The following PRKCA variants were observed in gnomAD, a reference collection of about 807,000 sequenced individuals.
The protein encoded by PRKCA is protein kinase C alpha.
PRKCA carries 27 observed loss-of-function variants against 87.0 expected under a neutral mutation model. The observed-to-expected ratio is 0.31, with a 90% CI of 0.23 to 0.43. PRKCA has a LOEUF of 0.43. Among genes scored for constraint, PRKCA ranks in the 20% least tolerant of loss-of-function variants. PRKCA has a pLI of 1.00. For synonymous variants in PRKCA, 329 were observed against 311.1 expected, an observed-to-expected ratio of 1.06 and a Z score of -0.61; for missense variants, 518 against 852.3, an observed-to-expected ratio of 0.61 and a Z score of 4.88.
intron 3 of PRKCA, among the ~76,000 whole-genome samples, chr17:66,614,910 A>G (rs896198569): frequency 5.9e-5 from 9 of 152,174 alleles, no homozygotes; most frequent in Admixed American, 2.0e-4. Context: ...AAAATTCCAA[A>G]TAACAGCAGA....
At chr17:66,457,415 G>A (rs1018721120) in intron 2 of PRKCA, among the ~76,000 whole-genome samples, 29 of 152,104 alleles carry the variant, frequency 1.9e-4, no homozygotes, top group African/African-American at 6.8e-4. Flanking sequence ...CTCTCTTGGG[G>A]TGATGATAAT....
At chr17:66,770,674 C>T (rs185211788) in intron 13 of PRKCA, among the ~76,000 whole-genome samples, 82 of 152,274 alleles carry the variant, frequency 5.4e-4, no homozygotes, top group African/African-American at 1.9e-3. Flanking sequence ...GTTTCTAGCC[C>T]TATGGTAGTG....
chr17:66,708,212 A>G (rs1001053824), intron 8 of PRKCA, among the ~76,000 whole-genome samples: 1 of 152,228 alleles, frequency 6.6e-6, no homozygotes, highest in Non-Finnish European at 1.5e-5. Flanking sequence ...TCGTGTCTTC[A>G]GCACTTAATT....
chr17:66,735,699 G>A lies in PRKCA; in HGVS notation c.1230+37G>A, dbSNP rs779969603. The A allele has an allele frequency of 1.9e-6, 3 of 1,594,212 alleles. No homozygotes were observed. The African/African-American group carries it at 4.0e-5, about 21-fold the overall frequency. On this transcript the variant is annotated intron_variant, in intron 10 of 16. Coordinates refer to ENST00000413366, the MANE Select transcript of PRKCA (RefSeq NM_002737.3). ...GGGAATCCCTGCGATGCAGTACCCA[G>A]CTCTCAGAGCTACGCCTCAGCCCAA... is the stretch of plus-strand genomic sequence containing the variant.
intron 3 of PRKCA, among the ~76,000 whole-genome samples, chr17:66,640,607 A>T (rs75572209): frequency 0.01 from 1,587 of 152,190 alleles, 32 homozygotes; most frequent in African/African-American, 0.036. Flanking sequence ...ATTTCTGGAT[A>T]CTCTGTCCAA....
intron 2 of PRKCA, among the ~76,000 whole-genome samples, chr17:66,319,764 C>A (rs1464954257): frequency 6.6e-6 from 1 of 151,060 alleles, no homozygotes; most frequent in African/African-American, 2.4e-5. Context: ...TTATTTGAGA[C>A]AGAGTCTTGC....
At chr17:66,400,669 C>T (rs910914753) in intron 2 of PRKCA, among the ~76,000 whole-genome samples, 7 of 152,156 alleles carry the variant, frequency 4.6e-5, no homozygotes, top group Non-Finnish European at 8.8e-5. Flanking sequence ...CATGATGGTT[C>T]TATTTAATTT....
At chr17:66,658,242 G>A (rs1158104557) in intron 5 of PRKCA, among the ~76,000 whole-genome samples, 1 of 152,158 alleles carries the variant, frequency 6.6e-6, no homozygotes, top group Non-Finnish European at 1.5e-5. Flanking sequence ...CACTTTGGGA[G>A]GTCAAGGTGG....
intron 2 of PRKCA, among the ~76,000 whole-genome samples, chr17:66,435,218 C>T (rs182043644): frequency 3.9e-4 from 60 of 152,322 alleles, no homozygotes; most frequent in African/African-American, 1.2e-3. Flanking sequence ...CTGGGGACTG[C>T]GTCCTGGCCC....
chr17:66,640,292 TA>T (rs1567948600), intron 3 of PRKCA, among the ~76,000 whole-genome samples: 1 of 152,228 alleles, frequency 6.6e-6, no homozygotes, highest in Admixed American at 6.5e-5. Flanking sequence ...CTACGCTCTT[TA>T]ACCACGATGG....
chr17:66,787,335 G>A (rs1033357283), intron 15 of PRKCA, among the ~76,000 whole-genome samples: 1 of 152,072 alleles, frequency 6.6e-6, no homozygotes, highest in East Asian at 1.9e-4. Flanking sequence ...ACTGGGCAGG[G>A]CACAGTGGCG....
intron 4 of PRKCA, among the ~76,000 whole-genome samples, chr17:66,644,794 T>G (rs1408144662): frequency 2.0e-5 from 3 of 152,108 alleles, no homozygotes; most frequent in Non-Finnish European, 4.4e-5. Context: ...TTCTCAGTGG[T>G]AAGCCCAGAA....
At chr17:66,579,864 C>T (rs998573740) in intron 3 of PRKCA, among the ~76,000 whole-genome samples, 2 of 152,058 alleles carry the variant, frequency 1.3e-5, no homozygotes, top group East Asian at 3.9e-4. Flanking sequence ...GAATTATACA[C>T]CGAAGGTTAA....
At chr17:66,629,043 GA>G (rs550519088) in intron 3 of PRKCA, among the ~76,000 whole-genome samples, 138 of 152,204 alleles carry the variant, frequency 9.1e-4, no homozygotes, top group African/African-American at 3.3e-3. Flanking sequence ...AACAAAAAAA[GA>G]AAATAAAATT....
intron 3 of PRKCA, among the ~76,000 whole-genome samples, chr17:66,516,875 G>A (rs777997516): frequency 2.6e-5 from 4 of 152,304 alleles, no homozygotes; most frequent in Non-Finnish European, 4.4e-5. Flanking sequence ...GATCTGGGCC[G>A]AAGCAGCAGT....
At chr17:66,756,582 G>A (rs79228461) in intron 13 of PRKCA, among the ~76,000 whole-genome samples, 11,983 of 152,058 alleles carry the variant, frequency 0.079, 524 homozygotes, top group African/African-American at 0.11. Context: ...AATTTGAAGA[G>A]ATGAAGCAAG....
intron 3 of PRKCA, among the ~76,000 whole-genome samples, chr17:66,639,866 G>T (rs904852274): frequency 5.3e-5 from 8 of 152,042 alleles, no homozygotes; most frequent in African/African-American, 1.4e-4. Context: ...GTGGTGGCAG[G>T]CACTTGTAAT....
At chr17:66,547,389 C>T (rs1160664217) in intron 3 of PRKCA, among the ~76,000 whole-genome samples, 1 of 152,066 alleles carries the variant, frequency 6.6e-6, no homozygotes, top group Non-Finnish European at 1.5e-5. Context: ...ATTTGTCTAT[C>T]CTCTTCCTCC....
At chr17:66,356,358 C>T (rs780567262) in intron 2 of PRKCA, among the ~76,000 whole-genome samples, 8 of 152,032 alleles carry the variant, frequency 5.3e-5, no homozygotes, top group Admixed American at 1.3e-4. Flanking sequence ...CCATATAGGC[C>T]GGCACGGTGG....
Sources: allele counts gnomAD v4.1 joint callset (sites outside exome capture counted in the v4.1 genomes callset), GRCh38; gene constraint gnomAD v4.1.1; transcripts MANE v1.5; gene names NCBI Gene and HGNC (gene_info 2026-07-23, HGNC 2026-07-21).